Variants in SYT16 observed in about 807,000 individuals in gnomAD.
The protein encoded by SYT16 is synaptotagmin 16.
SYT16 carries 42 observed loss-of-function variants against 61.4 expected under a neutral mutation model. The ratio of observed to expected loss-of-function variants is 0.68; its 90% CI spans 0.53 to 0.89. The LOEUF (loss-of-function observed/expected upper bound fraction) is 0.89. Ranked by LOEUF, SYT16 falls within the 40% of genes least tolerant of loss-of-function variation. SYT16 has a pLI of 0.00. For synonymous variants in SYT16, 314 were observed against 302.3 expected, an observed-to-expected ratio of 1.04 and a Z score of -0.40; for missense variants, 804 against 807.3, an observed-to-expected ratio of 1.00 and a Z score of 0.05.
intron 1 of SYT16, among the ~76,000 whole-genome samples, chr14:61,861,188 G>A (rs991826520): frequency 1.3e-5 from 2 of 152,026 alleles, no homozygotes; most frequent in African/African-American, 4.8e-5. Flanking sequence ...TATATCCAGT[G>A]GACTATTTTG....
intron 1 of SYT16, among the ~76,000 whole-genome samples, chr14:61,842,108 T>C (rs1319240548): frequency 6.6e-6 from 1 of 152,208 alleles, no homozygotes. Context: ...AGTACAGCCA[T>C]GCAATGTGTA....
chr14:61,840,030 T>G (rs1042746671), intron 1 of SYT16, among the ~76,000 whole-genome samples: 2 of 152,010 alleles, frequency 1.3e-5, no homozygotes, highest in Non-Finnish European at 2.9e-5. Flanking sequence ...AGACAATTCA[T>G]GGGGAATGTG....
chr14:62,013,233 A>G (rs1959335), intron 3 of SYT16, among the ~76,000 whole-genome samples: 79,610 of 152,016 alleles, frequency 0.52, 21,790 homozygotes, highest in East Asian at 0.71. Flanking sequence ...CAGTGTCACT[A>G]TATGGTAAAG....
At chr14:61,999,056 T>C (rs990254247) in intron 3 of SYT16, among the ~76,000 whole-genome samples, 1 of 151,916 alleles carries the variant, frequency 6.6e-6, no homozygotes, top group Non-Finnish European at 1.5e-5. Flanking sequence ...TGTTAGTCTT[T>C]GCTAAAGATT....
At chr14:61,857,548 C>T (rs764401658) in intron 1 of SYT16, among the ~76,000 whole-genome samples, 2 of 152,040 alleles carry the variant, frequency 1.3e-5, no homozygotes, top group African/African-American at 2.4e-5. Context: ...GTAAGCCTGG[C>T]TGGAGTTGGT....
At chr14:61,968,772 C>G (rs910811589) in intron 1 of SYT16, among the ~76,000 whole-genome samples, 6 of 152,202 alleles carry the variant, frequency 3.9e-5, no homozygotes, top group Non-Finnish European at 7.3e-5. Flanking sequence ...TATGTCATTT[C>G]AACCAAGCGC....
rs1223163398 is a variant in SYT16 at position 62,101,215 on chromosome 14, CT to C, written c.*511del. 1 of 152,660 alleles carries C rather than the reference CT, an allele frequency of 6.6e-6. No homozygotes were observed. The highest frequency in any genetic ancestry group is 1.5e-5 in the Non-Finnish European group (1 of 68,106). The allele number at this position is 152,660 out of a possible 1,614,324, so 9.5% of individuals were successfully genotyped here. On this transcript the variant is annotated 3_prime_UTR_variant, in exon 8 of 8. Coordinates refer to ENST00000683842, the MANE Select transcript of SYT16 (RefSeq NM_001367656.1). ...ATAAACTCTTATTTCACATTTTTCT[CT>C]TTATCAAAGAAACCTATTTACCTAA...
chr14:61,892,760 T>C (rs914184935), intron 1 of SYT16, among the ~76,000 whole-genome samples: 18 of 152,084 alleles, frequency 1.2e-4, no homozygotes, highest in African/African-American at 3.9e-4. Context: ...AGAAGGGGAA[T>C]TGAGGACTGC....
At position 62,100,323 on chromosome 14, in the gene SYT16, G is replaced by C. The variant is rs2057388317; in HGVS notation, c.1625-71G>C. The C allele has an allele frequency of 2.5e-5, 33 of 1,329,924 alleles. No individual in the cohort carries two copies. The South Asian group carries it at 5.1e-4, about 20-fold the overall frequency. 82.4% of individuals were successfully genotyped at this position (1,329,924 alleles called of 1,614,324 possible). Reference sequence around the variant, plus strand: ...ATTTGTAGCCCATATAAATGTTACAGCTAGTCTAGCCAAACAGAGAGCACT... The same window carrying C: ...ATTTGTAGCCCATATAAATGTTACACCTAGTCTAGCCAAACAGAGAGCACT... On this transcript the variant is annotated intron_variant, in intron 7 of 7. Transcript: ENST00000683842.
chr14:62,064,637 G>A (rs562183917), intron 3 of SYT16, among the ~76,000 whole-genome samples: 6 of 152,258 alleles, frequency 3.9e-5, no homozygotes, highest in South Asian at 4.1e-4. Context: ...TAGAGGGAGC[G>A]TAATGGACTA....
chr14:61,873,789 C>T (rs1440055796), intron 1 of SYT16, among the ~76,000 whole-genome samples: 3 of 152,110 alleles, frequency 2.0e-5, no homozygotes, highest in African/African-American at 7.2e-5. Flanking sequence ...TTATGATAGC[C>T]AAAAGTAGGA....
chr14:62,056,135 A>G (rs2140903932), intron 3 of SYT16, among the ~76,000 whole-genome samples: 1 of 152,144 alleles, frequency 6.6e-6, no homozygotes, highest in East Asian at 1.9e-4. Context: ...ATCAGTGGTA[A>G]CAATGATCAA....
At chr14:62,024,352 C>G (rs2054021156) in intron 3 of SYT16, among the ~76,000 whole-genome samples, 1 of 151,946 alleles carries the variant, frequency 6.6e-6, no homozygotes, top group African/African-American at 2.4e-5. Context: ...TGCAGAGGAG[C>G]AAAATTGCGA....
At chr14:61,832,064 C>T in intron 1 of SYT16, 2 of 717,536 alleles carry the variant, frequency 2.8e-6, no homozygotes, top group East Asian at 2.6e-5. Flanking sequence ...CGCCCACAAC[C>T]GTCTTCCACT....
rs1315694091 is a variant in SYT16 at position 62,048,561 on chromosome 14, G to C, written c.524-21042G>C. Among the ~76,000 whole-genome samples the C allele has an allele frequency of 2.6e-5, 4 of 152,210 alleles. No homozygotes were observed. The East Asian group carries it at 5.8e-4, about 22-fold the overall frequency. ...TCTTGCTTCTCTGGTTCTTTTAATT[G>C]TGATGTTAGGGTGTCAATTTTAAAT... On this transcript the variant is annotated intron_variant, in intron 3 of 7. Coordinates refer to ENST00000683842, the MANE Select transcript of SYT16 (RefSeq NM_001367656.1).
At chr14:61,982,951 T>C (rs184624481) in intron 2 of SYT16, among the ~76,000 whole-genome samples, 1 of 152,140 alleles carries the variant, frequency 6.6e-6, no homozygotes, top group African/African-American at 2.4e-5. Context: ...AGAGGACTAT[T>C]GGGGTTTTGT....
intron 3 of SYT16, among the ~76,000 whole-genome samples, chr14:62,027,025 T>C (rs2054128444): frequency 6.6e-6 from 1 of 152,216 alleles, no homozygotes; most frequent in Non-Finnish European, 1.5e-5. Flanking sequence ...CAAAATTGTT[T>C]ATGATGCTGA....
intron 2 of SYT16, among the ~76,000 whole-genome samples, chr14:61,995,318 C>G (rs1315819727): frequency 6.6e-6 from 1 of 152,088 alleles, no homozygotes; most frequent in Non-Finnish European, 1.5e-5. Flanking sequence ...CTAGATAATC[C>G]ATTTGCCACC....
intron 1 of SYT16, among the ~76,000 whole-genome samples, chr14:61,860,488 A>T (rs145112869): frequency 6.8e-4 from 104 of 152,336 alleles, no homozygotes; most frequent in African/African-American, 2.5e-3. Context: ...CAAAGTGGCC[A>T]GTTGGGGAGC....
Sources: allele counts gnomAD v4.1 joint callset (sites outside exome capture counted in the v4.1 genomes callset), GRCh38; gene constraint gnomAD v4.1.1; transcripts MANE v1.5; gene names NCBI Gene and HGNC (gene_info 2026-07-23, HGNC 2026-07-21).